Variants in REXO5 observed in about 807,000 individuals in gnomAD.
REXO5 encodes exonuclease NEF-sp.
In REXO5, 48 loss-of-function variants were observed where a neutral mutation model predicts 88.5. The ratio of observed to expected loss-of-function variants is 0.54; its 90% confidence interval spans 0.43 to 0.69. The LOEUF is 0.69. Ranked by LOEUF, REXO5 falls within the 30% of genes least tolerant of loss-of-function variation. The pLI is 0.00. For missense variants in REXO5, 749 were observed against 912.2 expected (o/e 0.82, Z 2.30); for synonymous variants, 311 against 336.5 (o/e 0.92, Z 0.83).
chr16:20,813,347 T>A, intron 3 of REXO5, 45 bp downstream of exon 3: 54 of 397,032 alleles, frequency 1.4e-4, no homozygotes, highest in Non-Finnish European at 2.0e-4. Context: ...GCGGTTTCTT[T>A]TTTTTTTTTT....
chr16:20,831,490 T>C (rs971093110), intron 11 of REXO5, among the ~76,000 whole-genome samples: 1 of 152,180 alleles, frequency 6.6e-6, no homozygotes, highest in African/African-American at 2.4e-5. Flanking sequence ...TTGTGACAAA[T>C]GCACCATACA....
chr16:20,806,549 G>A lies in REXO5; in HGVS notation c.-159G>A. 4 of 1,516,546 alleles carry A rather than the reference G, an allele frequency of 2.6e-6. No homozygotes were observed. Among genetic ancestry groups the A allele is most frequent in the Non-Finnish European group, 2.6e-6 (3 of 1,133,706 alleles). The allele number at this position is 1,516,546 out of a possible 1,614,324, so 93.9% of individuals were successfully genotyped here. A position where few individuals can be genotyped will look rare whatever the true frequency, so the allele number is the denominator to read the frequency against. ...GTTGTTGTTGGCAGCTGTGGCTAAG[G>A]AGGGGAGAACCTCTGCTCCCCGCCC... On this transcript the variant is annotated 5_prime_UTR_variant, in exon 1 of 20. Transcript: ENST00000261377.
Position 20,832,215 on chromosome 16 carries a change from A to G in REXO5, c.1218A>G (p.Gln406=), listed in dbSNP as rs766192139. Residue 406 remains glutamine, a synonymous_variant, in exon 12 of 20, where the codon CAA becomes CAG. Transcript: ENST00000261377. The part of the protein sequence containing the change: ...ANHQEIQAAG[Q]EPKNTAEVLQ... ...ACCAAGAAATACAAGCAGCAGGCCA[A>G]GAGCCTAAAAACACAGCAGAAGTAC... is the stretch of plus-strand genomic sequence containing the variant. 5.6e-6 allele frequency: 9 copies of G among 1,612,914 alleles called. No homozygotes were observed. The highest frequency in any genetic ancestry group is 7.6e-6 in the Non-Finnish European group (9 of 1,179,522).
chr16:20,824,606 A>G (rs1393011120), intron 7 of REXO5, 79 bp downstream of exon 7: 6 of 843,624 alleles, frequency 7.1e-6, no homozygotes, highest in Admixed American at 2.2e-5. Context: ...AGTCTAATGC[A>G]CTAATGAACG....
At chr16:20,815,354 TA>T (rs1010320362) in intron 4 of REXO5, among the ~76,000 whole-genome samples, 2 of 152,150 alleles carry the variant, frequency 1.3e-5, no homozygotes, top group South Asian at 2.1e-4. Flanking sequence ...TACCTCTCTT[TA>T]AAAAAATCGC....
chr16:20,817,940 C>T (rs766298996), intron 5 of REXO5, among the ~76,000 whole-genome samples: 1 of 152,136 alleles, frequency 6.6e-6, no homozygotes, highest in African/African-American at 2.4e-5. Context: ...TAGCTAAATG[C>T]GTTTTTCTCA....
chr16:20,837,358 A>C (rs2081448387), intron 13 of REXO5, among the ~76,000 whole-genome samples: 1 of 152,048 alleles, frequency 6.6e-6, no homozygotes, highest in African/African-American at 2.4e-5. Context: ...TTCAATATTT[A>C]GGTTATAGTT....
intron 13 of REXO5, among the ~76,000 whole-genome samples, chr16:20,835,639 A>ATTTTTTTT (rs60258217): frequency 6.6e-6 from 1 of 150,644 alleles, no homozygotes. Context: ...GTTCTTAGGA[A>ATTTTTTTT]TTTTTTTTTT....
At chr16:20,815,710 G>C in intron 4 of REXO5, among the ~76,000 whole-genome samples, 1 of 152,194 alleles carries the variant, frequency 6.6e-6, no homozygotes, top group Non-Finnish European at 1.5e-5. Context: ...CCGAGTTCCA[G>C]CTAGTAAGTG....
intron 5 of REXO5, among the ~76,000 whole-genome samples, chr16:20,817,135 C>T (rs1239957947): frequency 6.6e-6 from 1 of 152,144 alleles, no homozygotes; most frequent in Non-Finnish European, 1.5e-5. Context: ...TGAATAATTG[C>T]ACTGAGGGAA....
At chr16:20,838,848 C>A (rs576554909) in intron 13 of REXO5, among the ~76,000 whole-genome samples, 9 of 152,228 alleles carry the variant, frequency 5.9e-5, no homozygotes, top group African/African-American at 2.2e-4. Flanking sequence ...AAGAGAAGAT[C>A]TGTGGTGTGG....
Position 20,845,142 on chromosome 16 carries a change from C to G in REXO5, c.2025C>G (p.Pro675=). The change falls in exon 18 of 20, where the codon CCC becomes CCG. Residue 675 remains proline, a synonymous_variant. Transcript: ENST00000261377. ...WKLKGRHALT[P]RHLHAWLRGL... Reference sequence around the variant, plus strand: ...TGAAAGGCAGGCATGCCCTAACCCCCAGGCACCTCCATGCCTGGCTCAGAG... The same window carrying G: ...TGAAAGGCAGGCATGCCCTAACCCCGAGGCACCTCCATGCCTGGCTCAGAG... 1 of 1,614,162 alleles carries G rather than the reference C, an allele frequency of 6.2e-7. No homozygotes were observed.
chr16:20,816,327 T>G, intron 5 of REXO5, 115 bp downstream of exon 5: 1 of 172,258 alleles, frequency 5.8e-6, no homozygotes, highest in East Asian at 1.4e-4. Context: ...CAAAAACAAT[T>G]TTTTTTTTTT....
At position 20,844,980 on chromosome 16, in the gene REXO5, C is replaced by A; in HGVS notation, c.1937-74C>A. The A allele has an allele frequency of 3.2e-6, 5 of 1,570,786 alleles. No homozygotes were observed. The South Asian group carries it at 4.6e-5, about 15-fold the overall frequency. On this transcript the variant is annotated intron_variant, in intron 17 of 19. Transcript: ENST00000261377. ...CCTGATTCTGTCCTTCTCCTTTGAC[C>A]CTGGCCAGGCAGCTTGGATGGTGAT...
At chr16:20,820,792 G>C (rs903585930) in intron 5 of REXO5, among the ~76,000 whole-genome samples, 1 of 151,188 alleles carries the variant, frequency 6.6e-6, no homozygotes, top group African/African-American at 2.4e-5. Flanking sequence ...TTGAACTCCT[G>C]ACCTCAAGGG....
chr16:20,831,185 A>G (rs1461402460), intron 11 of REXO5, among the ~76,000 whole-genome samples: 1 of 152,018 alleles, frequency 6.6e-6, no homozygotes, highest in Non-Finnish European at 1.5e-5. Flanking sequence ...TAGTGGAAAG[A>G]ACATCATTGT....
rs2081586304 is a variant in REXO5, at chr16:20,845,090, A to G, written c.1973A>G (p.Asn658Ser). The G allele has an allele frequency of 6.2e-7, 1 of 1,614,140 alleles. No homozygotes were observed. The highest frequency in any genetic ancestry group is 8.5e-7 in the Non-Finnish European group (1 of 1,180,010). ...KSFGSAQQAL[N>S]ILTGKDWKLK... ...TTTGGCAGTGCCCAGCAGGCCCTCAACATTCTCACAGGCAAGGACTGGAAG... is the reference window on the plus strand; with the variant it reads ...TTTGGCAGTGCCCAGCAGGCCCTCAGCATTCTCACAGGCAAGGACTGGAAG... The change falls in exon 18 of 20, where the codon AAC (asparagine) becomes AGC (serine). Residue 658 changes from asparagine (N) to serine (S), a missense_variant. Coordinates refer to ENST00000261377, the MANE Select transcript of REXO5 (RefSeq NM_030941.3).
intron 2 of REXO5, chr16:20,808,719 C>G (rs1007482533): frequency 2.0e-5 from 3 of 149,732 alleles, no homozygotes; most frequent in African/African-American, 7.4e-5. Context: ...CCTCCCACCT[C>G]AGTTCCACCA....
chr16:20,833,351 G>C (rs977465720), intron 13 of REXO5, among the ~76,000 whole-genome samples: 1 of 152,144 alleles, frequency 6.6e-6, no homozygotes, highest in Non-Finnish European at 1.5e-5. Context: ...CTTTGGTCTT[G>C]CATACATCTT....
Sources: allele counts gnomAD v4.1 joint callset (sites outside exome capture counted in the v4.1 genomes callset), GRCh38; gene constraint gnomAD v4.1.1; transcripts MANE v1.5; gene names NCBI Gene and HGNC (gene_info 2026-07-23, HGNC 2026-07-21).